TOX: variants seen among roughly 807,000 people sequenced by gnomAD.
TOX encodes thymocyte selection-associated high mobility group box protein TOX.
In TOX, 11 loss-of-function variants were observed where a neutral mutation model predicts 53.7. The observed-to-expected ratio is 0.20, with a 90% CI of 0.13 to 0.34. TOX has a LOEUF of 0.34. TOX is among the 10% of genes least tolerant of loss of function. TOX has a pLI of 1.00. For missense variants in TOX, 570 were observed against 664.6 expected, an observed-to-expected ratio of 0.86 and a Z score of 1.56; for synonymous variants, 225 against 245.3, an observed-to-expected ratio of 0.92 and a Z score of 0.77.
chr8:59,055,435 A>G (rs1367005596), intron 1 of TOX, among the ~76,000 whole-genome samples: 1 of 152,200 alleles, frequency 6.6e-6, no homozygotes, highest in Non-Finnish European at 1.5e-5. Context: ...CATTTTGCCT[A>G]CTACAGAGTT....
chr8:59,068,771 G>C (rs1163722032), intron 1 of TOX, among the ~76,000 whole-genome samples: 2 of 152,132 alleles, frequency 1.3e-5, no homozygotes, highest in Non-Finnish European at 2.9e-5. Context: ...TGGAGCCTAG[G>C]TTTGTAACCA....
chr8:58,978,956 G>A (rs982391674), intron 1 of TOX, among the ~76,000 whole-genome samples: 6 of 152,090 alleles, frequency 3.9e-5, no homozygotes, highest in East Asian at 1.9e-4. Context: ...ATCTACCTCC[G>A]AAAAATGCTA....
At chr8:59,011,231 C>T (rs1433331924) in intron 1 of TOX, among the ~76,000 whole-genome samples, 1 of 152,186 alleles carries the variant, frequency 6.6e-6, no homozygotes, top group African/African-American at 2.4e-5. Context: ...GATTAGTCTG[C>T]CACCAATGTG....
chr8:58,976,513 C>T (rs540413939), intron 1 of TOX, among the ~76,000 whole-genome samples: 19 of 152,322 alleles, frequency 1.2e-4, no homozygotes, highest in Admixed American at 4.6e-4. Flanking sequence ...GTCCTTCAAA[C>T]TCTTGTTAAT....
chr8:58,983,499 C>T (rs1813240258), intron 1 of TOX, among the ~76,000 whole-genome samples: 1 of 152,188 alleles, frequency 6.6e-6, no homozygotes, highest in African/African-American at 2.4e-5. Flanking sequence ...GTTTTCTGAC[C>T]TTCAAGTTCT....
intron 3 of TOX, among the ~76,000 whole-genome samples, chr8:58,910,407 T>G (rs1016433419): frequency 7.2e-5 from 11 of 152,200 alleles, no homozygotes; most frequent in Non-Finnish European, 1.3e-4. Flanking sequence ...CTATTGGAGT[T>G]CAAAAGTTTA....
intron 3 of TOX, among the ~76,000 whole-genome samples, chr8:58,918,906 C>A (rs1812024314): frequency 6.6e-6 from 1 of 151,802 alleles, no homozygotes; most frequent in Non-Finnish European, 1.5e-5. Context: ...TCTTATACAC[C>A]AACAACCGGC....
At chr8:58,878,306 C>A (rs1811320850) in intron 3 of TOX, among the ~76,000 whole-genome samples, 1 of 152,062 alleles carries the variant, frequency 6.6e-6, no homozygotes, top group Non-Finnish European at 1.5e-5. Flanking sequence ...CAACTCCAAG[C>A]AATGTTCTTT....
chr8:58,880,271 A>G (rs1811361422), intron 3 of TOX, among the ~76,000 whole-genome samples: 1 of 152,196 alleles, frequency 6.6e-6, no homozygotes, highest in Non-Finnish European at 1.5e-5. Context: ...AGCAATGACT[A>G]AAGGGGAAAA....
intron 6 of TOX, among the ~76,000 whole-genome samples, chr8:58,818,703 G>T (rs1422340712): frequency 6.6e-6 from 1 of 152,178 alleles, no homozygotes; most frequent in East Asian, 1.9e-4. Context: ...TTCCCATGGA[G>T]TGAGGAAGGA....
chr8:58,920,340 A>C (rs774114667), intron 3 of TOX, among the ~76,000 whole-genome samples: 484 of 18,454 alleles, frequency 0.026, 13 homozygotes, highest in Non-Finnish European at 0.036. Context: ...GGATTAAGAA[A>C]ATGTGGCACA....
At chr8:58,967,770 T>C (rs1489401859) in intron 1 of TOX, among the ~76,000 whole-genome samples, 1 of 152,236 alleles carries the variant, frequency 6.6e-6, no homozygotes, top group Admixed American at 6.5e-5. Flanking sequence ...TTCTTCTCCA[T>C]GCCTCCCTGC....
intron 3 of TOX, among the ~76,000 whole-genome samples, chr8:58,873,958 CTTTTTTTTTTTT>C (rs1173710545): frequency 2.0e-4 from 8 of 40,130 alleles, no homozygotes; most frequent in African/African-American, 8.6e-4. Context: ...TGCCAGGAAG[CTTTTTTTTTTTT>C]TTTTTTTTTT....
chr8:58,893,236 T>TA (rs1811588155), intron 3 of TOX, among the ~76,000 whole-genome samples: 1 of 152,160 alleles, frequency 6.6e-6, no homozygotes, highest in Non-Finnish European at 1.5e-5. Context: ...CAGACAAACA[T>TA]ACTCCTGTAA....
intron 1 of TOX, among the ~76,000 whole-genome samples, chr8:59,092,366 T>C (rs1253408377): frequency 1.0e-5 from 1 of 99,438 alleles, no homozygotes; most frequent in East Asian, 2.6e-4. Flanking sequence ...TATATATATA[T>C]AATAAAAAAT....
At chr8:58,905,746 G>A (rs1333525487) in intron 3 of TOX, among the ~76,000 whole-genome samples, 2 of 152,204 alleles carry the variant, frequency 1.3e-5, no homozygotes, top group South Asian at 2.1e-4. Context: ...TTATACTGAC[G>A]GAAGTGTAGA....
chr8:58,939,243 GGTCCTT>G, intron 3 of TOX, 53 bp downstream of exon 3: 1 of 1,592,336 alleles, frequency 6.3e-7, no homozygotes, highest in South Asian at 1.1e-5. Context: ...GCATGAACTT[GGTCCTT>G]GTCCTTATGG....
Position 58,851,809 on chromosome 8 carries a change from CAATAAATA to C in TOX, c.412-12_412-5del, listed in dbSNP as rs3837195. 4,338 of 1,182,654 alleles carry C rather than the reference CAATAAATA, an allele frequency of 3.7e-3. 20 individuals are homozygous for C. Among genetic ancestry groups the C allele is most frequent in the African/African-American group, 0.015 (923 of 60,762 alleles). The allele number at this position is 1,182,654 out of a possible 1,614,324, so 73.3% of individuals were successfully genotyped here. A position where few individuals can be genotyped will look rare whatever the true frequency, so the allele number is the denominator to read the frequency against. On this transcript the variant is annotated splice_polypyrimidine_tract_variant and splice_region_variant and intron_variant, in intron 3 of 8. Coordinates refer to ENST00000361421, the MANE Select transcript of TOX (RefSeq NM_014729.3). The surrounding 1 kb of genome is among the most constrained non-coding windows in gnomAD (Gnocchi z 4.4). ...CTGGGTTTCGTATATCTGGCATCTA[CAATAAATA>C]AATAAATAAATAAATAAATAAATAA...
intron 3 of TOX, among the ~76,000 whole-genome samples, chr8:58,886,130 A>G (rs1002018186): frequency 2.0e-5 from 3 of 152,102 alleles, no homozygotes; most frequent in Non-Finnish European, 2.9e-5. Flanking sequence ...AGGTTTCAGG[A>G]GAGAACAGTC....
Sources: gnomAD v4.1 joint callset for allele counts (sites outside exome capture counted in the v4.1 genomes callset) on GRCh38, gnomAD v4.1.1 for gene constraint, Gnocchi (gnomAD v3.1) non-coding constraint, MANE v1.5 for transcripts, NCBI Gene and HGNC (gene_info 2026-07-23, HGNC 2026-07-21) for gene names.